MARCHF1: variants seen among roughly 807,000 people sequenced by gnomAD.
MARCHF1 encodes the protein membrane associated ring-CH-type finger 1.
Under a neutral mutation model 54.2 loss-of-function variants are expected in MARCHF1, and 40 were observed. The observed-to-expected ratio is 0.74, with a 90% confidence interval of 0.57 to 0.96. The LOEUF is 0.96. Among genes scored for constraint, MARCHF1 ranks in the 40% least tolerant of loss-of-function variants. The probability of loss-of-function intolerance (pLI) is 0.00; values close to 1 mark genes in which losing one functional copy is unlikely to be tolerated. For synonymous variants in MARCHF1, 236 were observed against 236.3 expected (o/e 1.00, Z 0.01); for missense variants, 586 against 656.5 (o/e 0.89, Z 1.17).
chr4:163,585,492 T>C (rs1740380212), intron 8 of MARCHF1: 2 of 280,086 alleles, frequency 7.1e-6, no homozygotes, highest in Non-Finnish European at 1.3e-5. Flanking sequence ...TTATATCTAT[T>C]ACGTGCACAC....
chr4:164,345,892 A>G (rs1487074326), intron 1 of MARCHF1, among the ~76,000 whole-genome samples: 1 of 152,164 alleles, frequency 6.6e-6, no homozygotes, highest in Non-Finnish European at 1.5e-5. Context: ...AGCTTTCTGA[A>G]GAATTTAATA....
intron 1 of MARCHF1, among the ~76,000 whole-genome samples, chr4:164,132,567 A>G (rs1438160030): frequency 1.3e-5 from 2 of 152,116 alleles, no homozygotes; most frequent in Non-Finnish European, 2.9e-5. Context: ...GGCGACTGCA[A>G]GTTCTGGCTA....
At position 163,556,282 on chromosome 4, in the gene MARCHF1, A is replaced by C. The variant is rs116866218; in HGVS notation, c.1192-10539T>G. Among the ~76,000 whole-genome samples, 11 of 152,302 alleles carry C rather than the reference A, an allele frequency of 7.2e-5. No homozygotes were observed. In the East Asian group the frequency reaches 2.1e-3, roughly 29 times the overall value. ...GTGTAATTTTCCATCAATAAGAGATAATAGGTTTTGATTTCATAAGTGCTT... is the reference window on the plus strand; with the variant it reads ...GTGTAATTTTCCATCAATAAGAGATCATAGGTTTTGATTTCATAAGTGCTT... On this transcript the variant is annotated intron_variant, in intron 8 of 9. Transcript: ENST00000514618.
intron 2 of MARCHF1, among the ~76,000 whole-genome samples, chr4:164,109,912 TAAA>T (rs57433858): frequency 6.3e-5 from 4 of 63,158 alleles, no homozygotes; most frequent in African/African-American, 2.7e-4. Flanking sequence ...AAAATAAAAG[TAAA>T]AAAAAAAAAA....
chr4:163,778,159 T>C (rs1421441441), intron 4 of MARCHF1, among the ~76,000 whole-genome samples: 2 of 116,924 alleles, frequency 1.7e-5, no homozygotes, highest in African/African-American at 6.0e-5. Flanking sequence ...TTTTCTTATC[T>C]ATTTAGCAGT....
intron 7 of MARCHF1, among the ~76,000 whole-genome samples, chr4:163,602,366 A>G (rs971644476): frequency 2.6e-5 from 4 of 152,118 alleles, no homozygotes; most frequent in Non-Finnish European, 5.9e-5. Context: ...TTATGTTAGT[A>G]ATGTATTCAT....
chr4:163,718,665 A>G (rs186264126), intron 4 of MARCHF1, among the ~76,000 whole-genome samples: 4 of 152,196 alleles, frequency 2.6e-5, no homozygotes, highest in African/African-American at 9.6e-5. Context: ...GACTCTGGTC[A>G]GTTGTGGTTA....
intron 4 of MARCHF1, among the ~76,000 whole-genome samples, chr4:163,714,012 A>T (rs554877618): frequency 3.9e-5 from 6 of 152,348 alleles, no homozygotes; most frequent in African/African-American, 1.2e-4. Flanking sequence ...GATTGTACGT[A>T]GTTGAAATTA....
intron 3 of MARCHF1, among the ~76,000 whole-genome samples, chr4:163,867,083 A>C (rs1560795237): frequency 6.6e-6 from 1 of 151,802 alleles, no homozygotes; most frequent in Non-Finnish European, 1.5e-5. Flanking sequence ...ATATCACATG[A>C]CTCAAATTTC....
chr4:163,862,238 C>T, intron 3 of MARCHF1, among the ~76,000 whole-genome samples: 1 of 151,932 alleles, frequency 6.6e-6, no homozygotes, highest in East Asian at 1.9e-4. Context: ...TAAACTTGTA[C>T]TTTATGAAAG....
chr4:164,044,697 A>C (rs563219689), intron 2 of MARCHF1, among the ~76,000 whole-genome samples: 12 of 152,156 alleles, frequency 7.9e-5, no homozygotes, highest in Non-Finnish European at 1.8e-4. Context: ...AAGTCATCCT[A>C]TCATGTCACT....
chr4:163,710,372 T>A (rs1412544491), intron 4 of MARCHF1, among the ~76,000 whole-genome samples: 1 of 148,430 alleles, frequency 6.7e-6, no homozygotes, highest in Non-Finnish European at 1.5e-5. Context: ...ACCAACATAA[T>A]ATATTATGTA....
At chr4:164,141,592 C>T (rs1489050524) in intron 1 of MARCHF1, among the ~76,000 whole-genome samples, 3 of 152,358 alleles carry the variant, frequency 2.0e-5, no homozygotes, top group African/African-American at 7.2e-5. Context: ...TTCACCCCTA[C>T]AAGTCGCAAC....
intron 4 of MARCHF1, among the ~76,000 whole-genome samples, chr4:163,833,525 AAAAC>A (rs1320334750): frequency 2.0e-5 from 3 of 152,174 alleles, no homozygotes; most frequent in Non-Finnish European, 4.4e-5. Context: ...TTACAAGAAA[AAAAC>A]AAACAACCCC....
At chr4:163,765,665 C>T (rs554224868) in intron 4 of MARCHF1, among the ~76,000 whole-genome samples, 2 of 151,780 alleles carry the variant, frequency 1.3e-5, no homozygotes, top group African/African-American at 4.8e-5. Context: ...CAGTGAGCAC[C>T]TGTTAAACAC....
intron 2 of MARCHF1, among the ~76,000 whole-genome samples, chr4:164,069,564 T>A (rs1274558461): frequency 6.6e-6 from 1 of 151,410 alleles, no homozygotes; most frequent in African/African-American, 2.4e-5. Context: ...ATCGAGAAGG[T>A]CTGCAGCTTC....
chr4:163,799,721 C>A (rs1561084004), intron 4 of MARCHF1, among the ~76,000 whole-genome samples: 1 of 151,930 alleles, frequency 6.6e-6, no homozygotes, highest in African/African-American at 2.4e-5. Flanking sequence ...AGTAATATAT[C>A]CAGTAATAGG....
chr4:163,790,776 G>A (rs903846453), intron 4 of MARCHF1, among the ~76,000 whole-genome samples: 3 of 152,086 alleles, frequency 2.0e-5, no homozygotes, highest in East Asian at 3.9e-4. Context: ...TGAGAAGTAC[G>A]GGAACAAAAA....
Position 163,939,614 on chromosome 4 carries a change from C to T in MARCHF1, c.-39+48887G>A, listed in dbSNP as rs185920170. ...TTTTTCTACATATCTGACCATCAAA[C>T]CAAATGTTAGCAACTAATGACAAAT... is the stretch of plus-strand genomic sequence containing the variant. On this transcript the variant is annotated intron_variant, in intron 3 of 9. Coordinates refer to ENST00000514618, the MANE Select transcript of MARCHF1 (RefSeq NM_001394959.1). 2.6e-5 allele frequency among the ~76,000 whole-genome samples: 4 copies of T among 152,240 alleles called. No individual in the cohort carries two copies. In the East Asian group the frequency reaches 7.7e-4, roughly 29 times the overall value.
Sources: allele counts gnomAD v4.1 joint callset (sites outside exome capture counted in the v4.1 genomes callset), GRCh38; gene constraint gnomAD v4.1.1; transcripts MANE v1.5; gene names NCBI Gene and HGNC (gene_info 2026-07-23, HGNC 2026-07-21).